TOP1MT: variants seen among roughly 807,000 people sequenced by gnomAD.
TOP1MT encodes DNA topoisomerase I, mitochondrial.
TOP1MT carries 80 observed loss-of-function variants against 73.9 expected under a neutral mutation model. That is an observed-to-expected ratio of 1.08 (90% confidence interval 0.90 to 1.30). The LOEUF (loss-of-function observed/expected upper bound fraction) is 1.30. Among genes scored for constraint, TOP1MT ranks in the 50% most tolerant of loss-of-function variants. The pLI is 0.00. For synonymous variants in TOP1MT, 338 were observed against 326.4 expected, an observed-to-expected ratio of 1.04 and a Z score of -0.38; for missense variants, 815 against 808.0, an observed-to-expected ratio of 1.01 and a Z score of -0.10.
chr8:143,322,982 CCA>C (rs1271907459), intron 7 of TOP1MT, among the ~76,000 whole-genome samples: 6 of 100,686 alleles, frequency 6.0e-5, no homozygotes, highest in South Asian at 3.3e-4. Flanking sequence ...CGCACGCACG[CCA>C]CACACGCACG....
At chr8:143,358,981 T>C (rs559893245), upstream of TOP1MT, among the ~76,000 whole-genome samples, 105 of 151,994 alleles carry the variant, frequency 6.9e-4, no homozygotes, top group African/African-American at 2.5e-3. Context: ...AAATCACTAT[T>C]AAGTAAAGCG....
chr8:143,337,687 T>C (rs938345717), upstream of TOP1MT, among the ~76,000 whole-genome samples: 6 of 152,150 alleles, frequency 3.9e-5, no homozygotes, highest in African/African-American at 1.4e-4. Context: ...TGTACACCTG[T>C]AGTAAGGGAG....
intron 7 of TOP1MT, among the ~76,000 whole-genome samples, chr8:143,322,935 C>G (rs1816542488): frequency 8.4e-6 from 1 of 118,608 alleles, no homozygotes; most frequent in Non-Finnish European, 1.8e-5. Context: ...ACGCCACACA[C>G]AGGCACGCCA....
rs181168043 is a variant in TOP1MT, at chr8:143,332,569, T to G, written c.123-1230A>C. On this transcript the variant is annotated intron_variant, in intron 1 of 13. Coordinates refer to ENST00000329245, the MANE Select transcript of TOP1MT (RefSeq NM_052963.3). ...GGTGGGCCTGGTCGGCTGGGATGAG[T>G]GTCCTCAGAGCAACAGGAAGTCTCT... The G allele has an allele frequency of 1.6e-4, 204 of 1,289,324 alleles. 3 individuals are homozygous for G. The highest frequency in any genetic ancestry group is 3.5e-5 in the Non-Finnish European group (35 of 988,854). 79.9% of individuals were successfully genotyped at this position (1,289,324 alleles called of 1,614,324 possible).
At chr8:143,326,105 G>A in intron 4 of TOP1MT, 117 bp downstream of exon 4, 4 of 1,213,082 alleles carry the variant, frequency 3.3e-6, no homozygotes, top group Non-Finnish European at 3.4e-6. Context: ...CGAGAAAAGA[G>A]CAGCTTTGTG....
At chr8:143,350,640 C>T (rs1174401125) in intron 1 of TOP1MT, among the ~76,000 whole-genome samples, 1 of 152,188 alleles carries the variant, frequency 6.6e-6, no homozygotes, top group Non-Finnish European at 1.5e-5. Context: ...CCCACTATCA[C>T]ACTTCAAAAA....
chr8:143,315,426 G>T (rs961505087), intron 12 of TOP1MT, among the ~76,000 whole-genome samples: 1 of 152,160 alleles, frequency 6.6e-6, no homozygotes, highest in African/African-American at 2.4e-5. Context: ...TGACCCACGT[G>T]ATCTCACCTA....
chr8:143,323,662 C>T (rs566134685), intron 7 of TOP1MT, among the ~76,000 whole-genome samples: 1 of 76,290 alleles, frequency 1.3e-5, no homozygotes, highest in Non-Finnish European at 3.1e-5. Flanking sequence ...CACATGCTCA[C>T]CACACACGCA....
intron 10 of TOP1MT, among the ~76,000 whole-genome samples, chr8:143,317,198 G>A (rs547538684): frequency 2.0e-5 from 3 of 152,338 alleles, no homozygotes; most frequent in Admixed American, 6.5e-5. Flanking sequence ...AGAGCAGCCC[G>A]GACATCACGG....
At chr8:143,356,812 G>C (rs1285090955), upstream of TOP1MT, among the ~76,000 whole-genome samples, 2 of 71,888 alleles carry the variant, frequency 2.8e-5, no homozygotes, top group African/African-American at 1.4e-4. Flanking sequence ...AAAAAAAAAA[G>C]ACCACATGCA....
intron 11 of TOP1MT, 37 bp downstream of exon 11, chr8:143,315,962 T>C (rs2293927): frequency 0.55 from 894,655 of 1,613,040 alleles, 254,995 homozygotes; most frequent in East Asian, 0.78. Context: ...AGGGGTCCCT[T>C]GAGGGCTGGG....
In TOP1MT at chr8:143,324,004, C is replaced by T. The variant is rs143769145; in HGVS notation, c.955G>A (p.Asp319Asn). The T allele has an allele frequency of 2.2e-4, 357 of 1,613,720 alleles. 2 individuals carry two copies. The highest frequency in any genetic ancestry group is 3.5e-4 in the Admixed American group (21 of 60,014). The change falls in exon 7 of 14, where the codon GAT becomes AAT. Residue 319 changes from aspartate to asparagine, a missense_variant. Asp to Asn is a conservative substitution (Grantham distance 23). This residue lies in a region of TOP1MT where 751 missense variants were observed against 725.4 expected (regional missense o/e 1.04). Coordinates refer to ENST00000329245, the MANE Select transcript of TOP1MT (RefSeq NM_052963.3). ...GAAGCGAGAAGGCCGCATACCTTAT[C>T]GATGAAATACAGGGCCACCGCCCGC... The part of the protein sequence containing the change: ...RQRAVALYFI[D>N]KLALRAGNEK...
upstream of TOP1MT, among the ~76,000 whole-genome samples, chr8:143,349,452 A>T (rs1337932226): frequency 3.9e-5 from 6 of 152,128 alleles, no homozygotes; most frequent in East Asian, 1.2e-3. Flanking sequence ...TGAGCTTGCC[A>T]GCTCCCCAAA....
chr8:143,323,095 C>A (rs1816561929), intron 7 of TOP1MT, among the ~76,000 whole-genome samples: 1 of 135,212 alleles, frequency 7.4e-6, no homozygotes, highest in African/African-American at 2.9e-5. Context: ...CACAGGCATG[C>A]CAAACACGCA....
intron 3 of TOP1MT, 49 bp from the exon 4 acceptor site, chr8:143,326,393 T>C (rs1354337270): frequency 6.2e-6 from 10 of 1,608,532 alleles, no homozygotes; most frequent in Non-Finnish European, 7.7e-6. Context: ...AGGACAGACA[T>C]GCAGAGCGCT....
chr8:143,313,878 A>G (rs1455416224), intron 12 of TOP1MT, among the ~76,000 whole-genome samples: 1 of 151,902 alleles, frequency 6.6e-6, no homozygotes, highest in Non-Finnish European at 1.5e-5. Context: ...AAAAAAAGAA[A>G]GAACAAAGAC....
chr8:143,354,539 C>T (rs1444964576), intron 1 of TOP1MT, among the ~76,000 whole-genome samples: 3 of 151,804 alleles, frequency 2.0e-5, no homozygotes, highest in Non-Finnish European at 4.4e-5. Context: ...ATGGAGAAAC[C>T]CCGTCTCTAC....
rs61663520 is a variant in TOP1MT at position 143,342,678 on chromosome 8, A to G, written c.29+542T>C. On this transcript the variant is annotated intron_variant, in intron 2 of 5. Coordinates refer to the TOP1MT transcript ENST00000518007. ...TTATTATTAGAGACAGTCTCGCTCT[A>G]TTATTATTATTATTATTAGAGACAG... 5.1e-3 allele frequency among the ~76,000 whole-genome samples: 63 copies of G among 12,284 alleles called. 7 individuals carry two copies. The highest frequency in any genetic ancestry group is 0.037 in the African/African-American group (55 of 1,470). The allele number at this position is 12,284 out of a possible 152,430, so 8.1% of individuals were successfully genotyped here. A position where few individuals can be genotyped will look rare whatever the true frequency, so the allele number is the denominator to read the frequency against.
At chr8:143,342,776 C>CTATTATTATTATTAT (rs748359888) in intron 2 of TOP1MT, among the ~76,000 whole-genome samples, 10,179 of 78,526 alleles carry the variant, frequency 0.13, 1,268 homozygotes, top group Admixed American at 0.19. Flanking sequence ...GAGTCTTGCT[C>CTATTATTATTATTAT]TATTATTATT....
Sources: gnomAD v4.1 joint callset for allele counts (sites outside exome capture counted in the v4.1 genomes callset) on GRCh38, gnomAD v4.1.1 for gene constraint, gnomAD v4.1.1 regional missense constraint, MANE v1.5 for transcripts, NCBI Gene and HGNC (gene_info 2026-07-23, HGNC 2026-07-21) for gene names.